The following MMP2 variants were observed in gnomAD, a reference collection of about 807,000 sequenced individuals.
MMP2 encodes the protein 72 kDa type IV collagenase.
In MMP2, 39 loss-of-function variants were observed where a neutral mutation model predicts 74.8. That is an observed-to-expected ratio of 0.52 (90% CI 0.40 to 0.68). The LOEUF (loss-of-function observed/expected upper bound fraction) is 0.68. Among genes scored for constraint, MMP2 ranks in the 30% least tolerant of loss-of-function variants. The pLI is 0.00. For synonymous variants in MMP2, 367 were observed against 339.8 expected (o/e 1.08, Z -0.88); for missense variants, 803 against 878.3 (o/e 0.91, Z 1.08).
At chr16:55,494,301 A>G (rs1455328739) in intron 9 of MMP2, among the ~76,000 whole-genome samples, 1 of 152,220 alleles carries the variant, frequency 6.6e-6, no homozygotes, top group Non-Finnish European at 1.5e-5. Flanking sequence ...TTCCTCATTT[A>G]TAAAATGGGG....
At chr16:55,481,950 T>C in intron 1 of MMP2, 1 of 644,504 alleles carries the variant, frequency 1.6e-6, no homozygotes, top group South Asian at 1.9e-5. Flanking sequence ...ATTTCCCCTT[T>C]CCTAACTACT....
In MMP2 at chr16:55,479,603, G is replaced by A. The variant is rs1016960822; in HGVS notation, c.124G>A (p.Ala42Thr). Residue 42 changes from alanine (A) to threonine (T), a missense_variant, in exon 1 of 13, where the codon GCC (alanine) becomes ACC (threonine). By Grantham distance (58) the Ala-to-Thr change is moderately conservative. This residue lies in a region of MMP2 where 223 missense variants were observed against 232.8 expected (regional missense o/e 0.96). Transcript: ENST00000219070. ...CATCATCAAGTTCCCCGGCGATGTC[G>A]CCCCCAAAACGGACAAAGAGTTGGC... ...SPIIKFPGDV[A>T]PKTDKELAVQ... The A allele has an allele frequency of 1.2e-6, 2 of 1,613,776 alleles. No individual in the cohort carries two copies. The highest frequency in any genetic ancestry group is 1.7e-6 in the Non-Finnish European group (2 of 1,179,998).
In MMP2 at chr16:55,484,184, G is replaced by A. The variant is rs1429553283; in HGVS notation, c.529+20G>A. ...GCTGGGGTAGGCAGAAGATGGGGCA[G>A]AAGAGGGGCCAGCAGGGATCAGTGT... is the stretch of plus-strand genomic sequence containing the variant. On this transcript the variant is annotated intron_variant, in intron 3 of 12. Coordinates refer to ENST00000219070, the MANE Select transcript of MMP2 (RefSeq NM_004530.6). The A allele has an allele frequency of 6.2e-7, 1 of 1,613,026 alleles. No individual in the cohort carries two copies. The highest frequency in any genetic ancestry group is 1.1e-5 in the South Asian group (1 of 90,924).
intron 6 of MMP2, 29 bp downstream of exon 6, chr16:55,488,745 G>C (rs1962326290): frequency 6.4e-7 from 1 of 1,567,444 alleles, no homozygotes; most frequent in South Asian, 1.2e-5. Flanking sequence ...CCCTCCCTCA[G>C]GGCCCAGCAC....
At chr16:55,483,242 A>G (rs1275077770) in intron 2 of MMP2, 107 bp downstream of exon 2, 8 of 838,532 alleles carry the variant, frequency 9.5e-6, no homozygotes, top group African/African-American at 1.7e-5. Flanking sequence ...GTCTTTTGTG[A>G]AGGCTTGACA....
chr16:55,493,945 A>C (rs1266975362), intron 9 of MMP2, among the ~76,000 whole-genome samples: 1 of 152,158 alleles, frequency 6.6e-6, no homozygotes, highest in African/African-American at 2.4e-5. Flanking sequence ...CTAAAGACTG[A>C]GGTTTACCCT....
Position 55,482,757 on chromosome 16 carries a change from C to T in MMP2, c.154-152C>T, listed in dbSNP as rs1238232142. On this transcript the variant is annotated intron_variant, in intron 1 of 12. Transcript: ENST00000219070. ...ATGGGTGACCGTGCTGGTTTGGGAA[C>T]CCAGTACTCCACCCAGTGCTCTGGG... 16 of 702,794 alleles carry T rather than the reference C, an allele frequency of 2.3e-5. No homozygotes were observed. The Admixed American group carries it at 2.5e-4, about 11-fold the overall frequency. The allele number at this position is 702,794 out of a possible 1,614,324, so 43.5% of individuals were successfully genotyped here.
At chr16:55,494,855 C>A (rs761736176) in intron 9 of MMP2, among the ~76,000 whole-genome samples, 1 of 152,178 alleles carries the variant, frequency 6.6e-6, no homozygotes, top group Admixed American at 6.5e-5. Context: ...TTGAGCAGAG[C>A]CTTCAAAGGA....
chr16:55,481,224 A>T (rs1382892294), intron 1 of MMP2, among the ~76,000 whole-genome samples: 1 of 152,192 alleles, frequency 6.6e-6, no homozygotes, highest in Non-Finnish European at 1.5e-5. Context: ...TGGATTATTT[A>T]AGAGTTTTCC....
intron 8 of MMP2, among the ~76,000 whole-genome samples, chr16:55,492,349 G>A (rs1962430849): frequency 6.6e-6 from 1 of 152,094 alleles, no homozygotes; most frequent in African/African-American, 2.4e-5. Context: ...CAATACGGGG[G>A]TGGAAGTTTC....
intron 12 of MMP2, 93 bp from the exon 13 acceptor site, chr16:55,505,246 C>A: frequency 1.9e-6 from 2 of 1,060,294 alleles, no homozygotes; most frequent in South Asian, 1.3e-5. Context: ...AGCTTCTTCC[C>A]TATGCCAGGC....
In MMP2 at chr16:55,490,086, T is replaced by C. The variant is rs243847; in HGVS notation, c.1180+262T>C. On this transcript the variant is annotated intron_variant, in intron 7 of 12. Transcript: ENST00000219070. The stretch of plus-strand genomic sequence containing the variant: ...AGACCAGATGCTGCTACTCACCTCC[T>C]GGGTAAGAACTGGCCTTCCTGAGGG... Among the ~76,000 whole-genome samples, 54,748 of 151,948 alleles carry C rather than the reference T, an allele frequency of 0.36. 10,355 individuals carry two copies. The highest frequency in any genetic ancestry group is 0.47 in the South Asian group (2,245 of 4,810).
intron 5 of MMP2, 73 bp from the exon 6 acceptor site, chr16:55,488,470 T>A: frequency 6.9e-7 from 1 of 1,449,932 alleles, no homozygotes; most frequent in Non-Finnish European, 9.5e-7. Flanking sequence ...AACCGGCAGG[T>A]GGGCAGCCAG....
intron 6 of MMP2, 106 bp from the exon 7 acceptor site, chr16:55,489,545 G>A: frequency 7.3e-7 from 1 of 1,368,412 alleles, no homozygotes; most frequent in Non-Finnish European, 1.0e-6. Flanking sequence ...GCCTGGGACT[G>A]AGTCTAACTT....
intron 7 of MMP2, among the ~76,000 whole-genome samples, chr16:55,491,324 T>G (rs1962400114): frequency 6.6e-6 from 1 of 152,020 alleles, no homozygotes; most frequent in South Asian, 2.1e-4. Flanking sequence ...ACGCTAAGTG[T>G]GAAAGGTTTT....
Position 55,479,556 on chromosome 16 carries a change from A to T in MMP2, c.77A>T (p.His26Leu), listed in dbSNP as rs1238968510. Residue 26 changes from histidine to leucine, a missense_variant, in exon 1 of 13, where the codon CAC becomes CTC. Coordinates refer to ENST00000219070, the MANE Select transcript of MMP2 (RefSeq NM_004530.6). ...ALCLLGCLLS[H>L]AAAAPSPIIK... ...TGTCTCCTGGGCTGCCTGCTGAGCC[A>T]CGCCGCCGCCGCGCCGTCGCCCATC... 6.2e-7 allele frequency: 1 copy of T among 1,612,672 alleles called. No homozygotes were observed. The highest frequency in any genetic ancestry group is 2.2e-5 in the East Asian group (1 of 44,838).
chr16:55,490,888 T>A (rs1203014337), intron 7 of MMP2, among the ~76,000 whole-genome samples: 2 of 152,130 alleles, frequency 1.3e-5, no homozygotes, highest in African/African-American at 4.8e-5. Flanking sequence ...GGGGCTGCCA[T>A]GACAAAGTGC....
At chr16:55,484,207 TG>T in intron 3 of MMP2, 43 bp downstream of exon 3, 5 of 1,602,228 alleles carry the variant, frequency 3.1e-6, no homozygotes, top group Non-Finnish European at 4.3e-6. Flanking sequence ...CAGGGATCAG[TG>T]TTGAGACGAG....
In MMP2 at chr16:55,497,078, C is replaced by A. The variant is rs17859973; in HGVS notation, c.1609+16C>A. 127 of 1,613,822 alleles carry A rather than the reference C, an allele frequency of 7.9e-5. 1 individual carries two copies. The East Asian group carries it at 2.5e-3, about 32-fold the overall frequency. On this transcript the variant is annotated intron_variant, in intron 10 of 12. Transcript: ENST00000219070. ...TTCTTTGCAGGTGTGTGGGAAGCACCCTTCCTTGGCCCTCAGCTCCACAGG... is the reference window on the plus strand; with the variant it reads ...TTCTTTGCAGGTGTGTGGGAAGCACACTTCCTTGGCCCTCAGCTCCACAGG...
Sources: gnomAD v4.1 joint callset for allele counts (sites outside exome capture counted in the v4.1 genomes callset) on GRCh38, gnomAD v4.1.1 for gene constraint, gnomAD v4.1.1 regional missense constraint, MANE v1.5 for transcripts, NCBI Gene and HGNC (gene_info 2026-07-23, HGNC 2026-07-21) for gene names.